Variants in MYO1H observed in about 807,000 individuals in gnomAD.
MYO1H encodes myosin IH.
Under a neutral mutation model 149.3 loss-of-function variants are expected in MYO1H, and 118 were observed. That is an observed-to-expected ratio of 0.79 (90% CI 0.68 to 0.92). MYO1H has a LOEUF of 0.92. MYO1H is among the 40% of genes least tolerant of loss of function. The pLI is 0.00. For synonymous variants in MYO1H, 447 were observed against 465.2 expected, an observed-to-expected ratio of 0.96 and a Z score of 0.50; for missense variants, 1,212 against 1,280.7, an observed-to-expected ratio of 0.95 and a Z score of 0.82.
intron 10 of MYO1H, among the ~76,000 whole-genome samples, chr12:109,409,249 T>C (rs11066514): frequency 1.2e-3 from 62 of 51,996 alleles, no homozygotes; most frequent in Middle Eastern, 0.02. Context: ...TCTTCTTCTT[T>C]TTTTTTTTTT....
At chr12:109,401,959 C>T (rs112567451) in intron 6 of MYO1H, among the ~76,000 whole-genome samples, 1,522 of 152,168 alleles carry the variant, frequency 0.01, 11 homozygotes, top group Non-Finnish European at 0.015. Context: ...AGGCTGGTCT[C>T]AAACTCCTGA....
intron 3 of MYO1H, 93 bp downstream of exon 3, chr12:109,393,539 T>TCATCCATTCATC: frequency 2.9e-6 from 2 of 680,858 alleles, no homozygotes; most frequent in South Asian, 1.7e-5. Flanking sequence ...GTCCATCCAT[T>TCATCCATTCATC]CATCCATCCA....
chr12:109,404,186 T>C (rs192192257), intron 7 of MYO1H, 106 bp downstream of exon 7: 321 of 828,780 alleles, frequency 3.9e-4, no homozygotes, highest in Middle Eastern at 2.9e-3. Context: ...CAAATAAAAA[T>C]ACAGGATGCA....
chr12:109,322,836 A>T, the MYO1H span, among the ~76,000 whole-genome samples: 1 of 151,246 alleles, frequency 6.6e-6, no homozygotes, highest in Non-Finnish European at 1.5e-5. Flanking sequence ...AAAAAAAAAA[A>T]AAAAAATCAC....
chr12:109,442,721 G>A (rs1198810738), intron 27 of MYO1H, among the ~76,000 whole-genome samples: 4 of 151,736 alleles, frequency 2.6e-5, no homozygotes, highest in Non-Finnish European at 4.4e-5. Flanking sequence ...GTCGGTGGGC[G>A]AGAGGTGCTC....
At chr12:109,367,171 CAA>C (rs1868882068) in intron 1 of MYO1H, among the ~76,000 whole-genome samples, 1 of 152,074 alleles carries the variant, frequency 6.6e-6, no homozygotes, top group South Asian at 2.1e-4. Context: ...GTTTCATAAG[CAA>C]AGTCAAAAGA....
At chr12:109,406,860 G>C in exon 9 of MYO1H, 3 of 1,613,530 alleles carry the variant, frequency 1.9e-6, no homozygotes, top group Non-Finnish European at 2.5e-6. Context: ...AAACTGAGGA[G>C]GTAAAAATGG....
rs1872255790 is a variant in MYO1H, at chr12:109,443,082, G to GTATGTGTGTATATATGCGTACATA, written c.2689-416_2689-415insCGTACATATATGTGTGTATATATG. Among the ~76,000 whole-genome samples, 3 of 49,662 alleles carry GTATGTGTGTATATATGCGTACATA rather than the reference G, an allele frequency of 6.0e-5. 1 individual carries two copies. Among genetic ancestry groups the GTATGTGTGTATATATGCGTACATA allele is most frequent in the African/African-American group, 3.8e-4 (3 of 7,824 alleles). The allele number at this position is 49,662 out of a possible 152,430, so 32.6% of individuals were successfully genotyped here. On this transcript the variant is annotated intron_variant, in intron 27 of 31. Transcript: ENST00000310903. The stretch of plus-strand genomic sequence containing the variant: ...TACGTATGTGTGTATATATGTGTAC[G>GTATGTGTGTATATATGCGTACATA]TATGTGTGTATATATGTGTACGTAT...
intron 14 of MYO1H, among the ~76,000 whole-genome samples, chr12:109,412,872 G>T (rs190522774): frequency 2.1e-3 from 312 of 152,002 alleles, no homozygotes; most frequent in Non-Finnish European, 2.6e-3. Context: ...TACAACCTCC[G>T]CCTCCTGGGT....
At chr12:109,443,274 G>GTATATGTGTACGTATATGTGTGTGTA (rs1872306849) in intron 27 of MYO1H, among the ~76,000 whole-genome samples, 1 of 56,172 alleles carries the variant, frequency 1.8e-5, no homozygotes, top group South Asian at 4.7e-4. Context: ...ATATGTGTGT[G>GTATATGTGTACGTATATGTGTGTGTA]TATATGTGTA....
the MYO1H span, among the ~76,000 whole-genome samples, chr12:109,324,899 G>A: frequency 6.6e-6 from 1 of 151,984 alleles, no homozygotes; most frequent in African/African-American, 2.4e-5. Context: ...AGGCCCTGGT[G>A]TATGATGTTC....
upstream of MYO1H, among the ~76,000 whole-genome samples, chr12:109,344,186 AG>A (rs1172883327): frequency 6.6e-6 from 1 of 152,210 alleles, no homozygotes; most frequent in African/African-American, 2.4e-5. Flanking sequence ...CATCACATTA[AG>A]GGCACATACT....
At chr12:109,410,645 T>C (rs1193005033) in intron 12 of MYO1H, 43 bp from the exon 13 acceptor site, 3 of 1,396,204 alleles carry the variant, frequency 2.1e-6, no homozygotes, top group South Asian at 2.5e-5. Flanking sequence ...TTGATGCTCA[T>C]CTAAATATTT....
At chr12:109,437,450 AG>A (rs1386079103) in intron 22 of MYO1H, among the ~76,000 whole-genome samples, 3 of 152,222 alleles carry the variant, frequency 2.0e-5, no homozygotes, top group Non-Finnish European at 2.9e-5. Flanking sequence ...ATTTGCTGAT[AG>A]CTACATAGTA....
the MYO1H span, among the ~76,000 whole-genome samples, chr12:109,340,612 C>T: frequency 1.3e-5 from 2 of 152,208 alleles, no homozygotes; most frequent in South Asian, 4.1e-4. Flanking sequence ...TAAAATCATA[C>T]AGTAAAAGAA....
At chr12:109,411,815 T>TC (rs1217016328) in intron 13 of MYO1H, 79 bp from the exon 14 acceptor site, 1 of 1,016,878 alleles carries the variant, frequency 9.8e-7, no homozygotes, top group African/African-American at 1.6e-5. Context: ...TACTTTCTGT[T>TC]CCAGCTGGTG....
intron 31 of MYO1H, chr12:109,446,367 T>C (rs1236338832): frequency 3.0e-6 from 3 of 985,338 alleles, no homozygotes; most frequent in African/African-American, 1.7e-5. Context: ...CTTTAAAATG[T>C]ATCTTGTATT....
At chr12:109,386,092 C>T (rs1446911516) in intron 1 of MYO1H, among the ~76,000 whole-genome samples, 2 of 152,172 alleles carry the variant, frequency 1.3e-5, no homozygotes, top group African/African-American at 2.4e-5. Context: ...TCCCAGTGTG[C>T]CATATCAATG....
At chr12:109,390,316 C>T (rs548366488) in intron 2 of MYO1H, among the ~76,000 whole-genome samples, 67 of 151,592 alleles carry the variant, frequency 4.4e-4, no homozygotes, top group African/African-American at 1.5e-3. Context: ...GCTGGGATTA[C>T]AGGCACACAC....
Sources: gnomAD v4.1 joint callset for allele counts (sites outside exome capture counted in the v4.1 genomes callset) on GRCh38, gnomAD v4.1.1 for gene constraint, MANE v1.5 for transcripts, NCBI Gene and HGNC (gene_info 2026-07-23, HGNC 2026-07-21) for gene names.